Variants in KICS2 observed in about 807,000 individuals in gnomAD.
KICS2 encodes KICSTOR complex protein C12orf66.
In KICS2, 13 loss-of-function variants were observed where a neutral mutation model predicts 31.4. That is an observed-to-expected ratio of 0.41 (90% CI 0.27 to 0.66). The LOEUF (loss-of-function observed/expected upper bound fraction) is 0.66. KICS2 is among the 30% of genes least tolerant of loss of function. The pLI is 0.28. For synonymous variants in KICS2, 209 were observed against 214.8 expected (o/e 0.97, Z 0.24); for missense variants, 455 against 545.4 (o/e 0.83, Z 1.65).
intron 2 of KICS2, among the ~76,000 whole-genome samples, chr12:64,198,582 G>A (rs2037461123): frequency 5.3e-5 from 1 of 18,784 alleles, no homozygotes; most frequent in Admixed American, 5.8e-4. Flanking sequence ...GCTAGCAGAA[G>A]GCAAGAAATA....
At chr12:64,221,385 GTTGAATCAGCTC>G (rs1227065453) in intron 1 of KICS2, 1 of 152,234 alleles carries the variant, frequency 6.6e-6, no homozygotes, top group African/African-American at 2.4e-5. Flanking sequence ...GTAAAAATCA[GTTGAATCAGCTC>G]TTGAATCTTA....
chr12:64,189,378 C>T (rs962411439), downstream of KICS2, among the ~76,000 whole-genome samples: 2 of 152,052 alleles, frequency 1.3e-5, no homozygotes, highest in Admixed American at 1.3e-4. Flanking sequence ...TTGTTAGCTG[C>T]TTCCTAATAA....
chr12:64,220,171 A>G (rs780987488), intron 1 of KICS2, among the ~76,000 whole-genome samples: 28 of 152,240 alleles, frequency 1.8e-4, no homozygotes, highest in Non-Finnish European at 3.8e-4. Flanking sequence ...GTGCCTGGGC[A>G]TGTTTCACAG....
chr12:64,187,487 C>T (rs1183133041), downstream of KICS2: 4 of 710,944 alleles, frequency 5.6e-6, no homozygotes, highest in South Asian at 1.8e-5. Context: ...AAAAAATATG[C>T]AGACAAGGCA....
chr12:64,193,353 A>G lies in KICS2; in HGVS notation c.*489T>C. The stretch of plus-strand genomic sequence containing the variant: ...CAAAAATGTTAATTTGTAGATCAGA[A>G]TCATAAATCTACTAACTCCATATTC... On this transcript the variant is annotated 3_prime_UTR_variant, in exon 3 of 3. Transcript: ENST00000398055. The G allele has an allele frequency of 1.0e-6, 1 of 985,418 alleles. No individual in the cohort carries two copies. The highest frequency in any genetic ancestry group is 1.2e-6 in the Non-Finnish European group (1 of 829,894). 61.0% of individuals were successfully genotyped at this position (985,418 alleles called of 1,614,324 possible). A position where few individuals can be genotyped will look rare whatever the true frequency, so the allele number is the denominator to read the frequency against.
At chr12:64,201,626 A>AT (rs1565716281) in intron 2 of KICS2, among the ~76,000 whole-genome samples, 18 of 146,390 alleles carry the variant, frequency 1.2e-4, no homozygotes, top group Non-Finnish European at 2.1e-4. Context: ...AAAGAAAAAA[A>AT]AAAAAAACAA....
chr12:64,203,231 C>T (rs945905476), intron 2 of KICS2, among the ~76,000 whole-genome samples: 2 of 152,212 alleles, frequency 1.3e-5, no homozygotes, highest in Admixed American at 1.3e-4. Flanking sequence ...CAAGTCTCTG[C>T]CTCATTGATT....
chr12:64,211,147 C>T (rs1191056827), intron 2 of KICS2, among the ~76,000 whole-genome samples: 1 of 152,060 alleles, frequency 6.6e-6, no homozygotes, highest in African/African-American at 2.4e-5. Flanking sequence ...GGAATCATAT[C>T]CTTAACTGTA....
intron 2 of KICS2, among the ~76,000 whole-genome samples, chr12:64,197,664 TAAAG>T (rs1329293418): frequency 5.3e-5 from 8 of 150,038 alleles, no homozygotes; most frequent in African/African-American, 2.0e-4. Flanking sequence ...GCAAATTGGA[TAAAG>T]AGTCAAGACC....
intron 1 of KICS2, among the ~76,000 whole-genome samples, chr12:64,217,818 A>G (rs539696562): frequency 6.6e-6 from 1 of 151,582 alleles, no homozygotes; most frequent in Non-Finnish European, 1.5e-5. Flanking sequence ...GAAAAGAAGA[A>G]AAGAAAAGAA....
At chr12:64,207,130 C>CT (rs2037545941) in intron 2 of KICS2, among the ~76,000 whole-genome samples, 2 of 151,780 alleles carry the variant, frequency 1.3e-5, no homozygotes, top group Non-Finnish European at 2.9e-5. Flanking sequence ...CACGGCAAAA[C>CT]CCCATCTCTA....
At chr12:64,189,670 A>G (rs1213902339), downstream of KICS2, among the ~76,000 whole-genome samples, 1 of 151,246 alleles carries the variant, frequency 6.6e-6, no homozygotes, top group Non-Finnish European at 1.5e-5. Context: ...GAACATGGAA[A>G]ACACACACAC....
chr12:64,220,139 G>T (rs1176353985), intron 1 of KICS2, among the ~76,000 whole-genome samples: 1 of 152,148 alleles, frequency 6.6e-6, no homozygotes, highest in Non-Finnish European at 1.5e-5. Flanking sequence ...CAGAAATGAG[G>T]AGCCCACCTA....
intron 1 of KICS2, among the ~76,000 whole-genome samples, chr12:64,219,637 A>T (rs1390938949): frequency 6.6e-6 from 1 of 152,196 alleles, no homozygotes; most frequent in Non-Finnish European, 1.5e-5. Flanking sequence ...TACACATGAA[A>T]GAAAGAAGGA....
At position 64,194,448 on chromosome 12, in the gene KICS2, C is replaced by T. The variant is rs767009173; in HGVS notation, c.732G>A (p.Gln244=). Residue 244 remains glutamine, a synonymous_variant, in exon 3 of 3, where the codon CAG becomes CAA. Coordinates refer to ENST00000398055, the MANE Select transcript of KICS2 (RefSeq NM_152440.5). ...RETKKHLFGG[Q]SQKAVQPPHL... ...GTGGAGGCTGCACGGCCTTCTGAGA[C>T]TGCCCTCCAAACAGATGTTTCTTGG... 17 of 1,614,228 alleles carry T rather than the reference C, an allele frequency of 1.1e-5. No individual in the cohort carries two copies. The highest frequency in any genetic ancestry group is 1.4e-5 in the Non-Finnish European group (16 of 1,180,044).
intron 1 of KICS2, among the ~76,000 whole-genome samples, chr12:64,220,679 A>C (rs1253563224): frequency 6.6e-6 from 1 of 152,058 alleles, no homozygotes; most frequent in African/African-American, 2.4e-5. Context: ...TCACATATAT[A>C]AAAAACATAT....
chr12:64,195,624 C>T (rs1023525235), intron 2 of KICS2, among the ~76,000 whole-genome samples: 2 of 152,210 alleles, frequency 1.3e-5, no homozygotes, highest in African/African-American at 4.8e-5. Context: ...GGAACAGCTC[C>T]GGTCTACAGC....
At chr12:64,196,030 G>A (rs1430543737) in intron 2 of KICS2, among the ~76,000 whole-genome samples, 1 of 152,102 alleles carries the variant, frequency 6.6e-6, no homozygotes, top group South Asian at 2.1e-4. Flanking sequence ...GGGGAGGGGC[G>A]CCCGCCATTG....
chr12:64,203,015 C>T (rs1265762941), intron 2 of KICS2, among the ~76,000 whole-genome samples: 2 of 152,024 alleles, frequency 1.3e-5, no homozygotes, highest in Non-Finnish European at 2.9e-5. Context: ...CAGTTATATC[C>T]TCTCATTTCT....
Sources: gnomAD v4.1 joint callset for allele counts (sites outside exome capture counted in the v4.1 genomes callset) on GRCh38, gnomAD v4.1.1 for gene constraint, MANE v1.5 for transcripts, NCBI Gene and HGNC (gene_info 2026-07-23, HGNC 2026-07-21) for gene names.